METTL4: variants seen among roughly 807,000 people sequenced by gnomAD.
METTL4 encodes methyltransferase 4, N6-adenosine.
A neutral mutation model predicts 54.0 loss-of-function variants in METTL4; 40 were observed. The ratio of observed to expected loss-of-function variants is 0.74; its 90% CI spans 0.58 to 0.96. The LOEUF is 0.96. Among genes scored for constraint, METTL4 ranks in the 50% least tolerant of loss-of-function variants. The pLI, the probability that METTL4 is intolerant of heterozygous loss-of-function variation, is 0.00. For missense variants in METTL4, 525 were observed against 549.0 expected, an observed-to-expected ratio of 0.96 and a Z score of 0.44; for synonymous variants, 169 against 183.8, an observed-to-expected ratio of 0.92 and a Z score of 0.65.
At chr18:2,544,789 TA>T (rs756964791) in intron 6 of METTL4, 30 bp from the exon 7 acceptor site, 2 of 1,465,880 alleles carry the variant, frequency 1.4e-6, no homozygotes, top group African/African-American at 1.4e-5. Flanking sequence ...AAAAGAGGGT[TA>T]TTTTTTCCCA....
chr18:2,567,115 G>A lies in METTL4; in HGVS notation c.102C>T (p.Cys34=). The A allele has an allele frequency of 6.2e-7, 1 of 1,614,088 alleles. No homozygotes were observed. The highest frequency in any genetic ancestry group is 8.5e-7 in the Non-Finnish European group (1 of 1,179,986). ...CAGAAGTAGTGAACTCCTTTTTACG[G>A]CAACAAGGTTCATGATGCTGGTGAA... The part of the protein sequence containing the change: ...YQLHQHHEPC[C]RKKEFTTSVH... Residue 34 remains cysteine, a synonymous_variant, in exon 2 of 9, where the codon TGC becomes TGT. Coordinates refer to ENST00000574538, the MANE Select transcript of METTL4 (RefSeq NM_022840.5).
chr18:2,559,990 G>A (rs1308676044), intron 3 of METTL4, among the ~76,000 whole-genome samples: 3 of 151,964 alleles, frequency 2.0e-5, no homozygotes, highest in Non-Finnish European at 2.9e-5. Context: ...TGCCCACCTC[G>A]GCCTCCCCAT....
chr18:2,544,482 T>C (rs2072040745), intron 7 of METTL4, among the ~76,000 whole-genome samples, 171 bp downstream of exon 7: 1 of 151,866 alleles, frequency 6.6e-6, no homozygotes, highest in Non-Finnish European at 1.5e-5. Context: ...AATTACACAC[T>C]AGATAAAACA....
intron 2 of METTL4, among the ~76,000 whole-genome samples, chr18:2,566,065 AT>A (rs1229040854): frequency 0.039 from 5,756 of 147,900 alleles, 279 homozygotes; most frequent in Middle Eastern, 0.067. Flanking sequence ...AAATAAATAA[AT>A]AAATAAATAA....
At chr18:2,539,851 TAAA>T in intron 8 of METTL4, 3 of 824,806 alleles carry the variant, frequency 3.6e-6, no homozygotes, top group Non-Finnish European at 4.3e-6. Context: ...ACAACCCATT[TAAA>T]AAAAAAAAAG....
Position 2,566,725 on chromosome 18 carries a change from T to G in METTL4, c.396+96A>C, listed in dbSNP as rs542378971. 1.9e-5 allele frequency: 20 copies of G among 1,045,280 alleles called. No individual in the cohort carries two copies. In the Middle Eastern group the frequency reaches 1.6e-3, roughly 84 times the overall value. The allele number at this position is 1,045,280 out of a possible 1,614,324, so 64.8% of individuals were successfully genotyped here. ...CTTTTTGGGTTTTACTGATTCTTCT[T>G]TATACTTAACGAATCACCAGATATT... On this transcript the variant is annotated intron_variant, in intron 2 of 8. Transcript: ENST00000574538.
In METTL4 at chr18:2,542,519, C is replaced by T. The variant is rs1444293289; in HGVS notation, c.1273+1676G>A. On this transcript the variant is annotated intron_variant, in intron 8 of 8. Coordinates refer to ENST00000574538, the MANE Select transcript of METTL4 (RefSeq NM_022840.5). ...CATTTCAGAATGAAAAGTTTATGGT[C>T]TTAGCTTTTGAATTTTTAAAAGAAA... Among the ~76,000 whole-genome samples the T allele has an allele frequency of 2.0e-5, 3 of 151,836 alleles. No individual in the cohort carries two copies. In the East Asian group the frequency reaches 5.8e-4, roughly 29 times the overall value.
At chr18:2,548,259 A>G (rs1251722287) in intron 5 of METTL4, among the ~76,000 whole-genome samples, 2 of 152,148 alleles carry the variant, frequency 1.3e-5, no homozygotes, top group Non-Finnish European at 2.9e-5. Flanking sequence ...TTGCTCTACA[A>G]TACTCAATCA....
rs778634356 is a variant in METTL4, at chr18:2,567,125, T to C, written c.92A>G (p.Glu31Gly). The C allele has an allele frequency of 6.2e-7, 1 of 1,614,010 alleles. No individual in the cohort carries two copies. ...KINYQLHQHH[E>G]PCCRKKEFTT... ...GAACTCCTTTTTACGGCAACAAGGT[T>C]CATGATGCTGGTGAAGTTGATAGTT... Residue 31 changes from glutamate (E) to glycine (G), a missense_variant, in exon 2 of 9, where the codon GAA becomes GGA. Physicochemically the swap from Glu to Gly is moderately conservative, Grantham distance 98. Transcript: ENST00000574538.
intron 3 of METTL4, among the ~76,000 whole-genome samples, chr18:2,558,721 C>G (rs2072273803): frequency 6.6e-6 from 1 of 151,726 alleles, no homozygotes; most frequent in East Asian, 1.9e-4. Context: ...ATTTGTAAAT[C>G]ATATATCTGA....
rs149093524 is a variant in METTL4 at position 2,547,422 on chromosome 18, C to T, written c.1007G>A (p.Arg336His). ...GGGATAAAGTTCTTCCTTTATAAAA[C>T]GTAGGTGCTTCTGTCTATTGGTCAC... ...TWVTNRQKHL[R>H]FIKEELYPSW... The change falls in exon 6 of 9, where the codon CGT becomes CAT. Residue 336 changes from arginine to histidine, a missense_variant. Physicochemically the swap from Arg to His is conservative, Grantham distance 29. Coordinates refer to ENST00000574538, the MANE Select transcript of METTL4 (RefSeq NM_022840.5). 30 of 1,611,708 alleles carry T rather than the reference C, an allele frequency of 1.9e-5. No individual in the cohort carries two copies. The African/African-American group carries it at 2.0e-4, about 11-fold the overall frequency.
At chr18:2,539,714 T>G (rs939492642) in intron 8 of METTL4, 2 of 437,240 alleles carry the variant, frequency 4.6e-6, no homozygotes, top group Non-Finnish European at 6.1e-6. Flanking sequence ...ACTCCTGACC[T>G]CAGGCAATCC....
chr18:2,564,219 T>C (rs905955201), intron 2 of METTL4, among the ~76,000 whole-genome samples: 36 of 148,508 alleles, frequency 2.4e-4, no homozygotes, highest in African/African-American at 6.2e-4. Context: ...CCGGCTAACA[T>C]GGTGAAACCC....
chr18:2,570,820 G>A (rs1215695898), intron 1 of METTL4, among the ~76,000 whole-genome samples: 2 of 152,174 alleles, frequency 1.3e-5, no homozygotes, highest in African/African-American at 4.8e-5. Flanking sequence ...CTGGAGCTGT[G>A]AGATCTTTCA....
intron 2 of METTL4, among the ~76,000 whole-genome samples, 160 bp from the exon 3 acceptor site, chr18:2,564,019 G>C (rs1197578862): frequency 6.6e-6 from 1 of 152,168 alleles, no homozygotes; most frequent in Non-Finnish European, 1.5e-5. Context: ...GGTATGGAGT[G>C]AGGAGGTAAG....
chr18:2,553,099 T>A (rs191713967), intron 4 of METTL4: 235 of 175,640 alleles, frequency 1.3e-3, no homozygotes, highest in African/African-American at 4.5e-3. Flanking sequence ...GAAATCTAGG[T>A]CTTTTTTTTA....
chr18:2,569,548 G>C (rs1458347421), intron 1 of METTL4, among the ~76,000 whole-genome samples: 2 of 149,158 alleles, frequency 1.3e-5, no homozygotes, highest in African/African-American at 2.5e-5. Context: ...TAGAGTAGAC[G>C]TGAAGATCAC....
chr18:2,563,709 G>GA (rs763609393), intron 3 of METTL4, 88 bp downstream of exon 3: 70 of 786,138 alleles, frequency 8.9e-5, no homozygotes, highest in Admixed American at 1.5e-4. Context: ...GCTTGATTTT[G>GA]AAAAAAAATC....
At position 2,544,740 on chromosome 18, in the gene METTL4, A is replaced by T. The variant is rs775358232; in HGVS notation, c.1094T>A (p.Phe365Tyr). 6.2e-7 allele frequency: 1 copy of T among 1,612,104 alleles called. No homozygotes were observed. Among genetic ancestry groups the T allele is most frequent in the Non-Finnish European group, 8.5e-7 (1 of 1,178,682 alleles). The change falls in exon 7 of 9, where the codon TTT becomes TAT. Residue 365 changes from phenylalanine (F) to tyrosine (Y), a missense_variant. Physicochemically the swap from Phe to Tyr is conservative, Grantham distance 22. Coordinates refer to ENST00000574538, the MANE Select transcript of METTL4 (RefSeq NM_022840.5). ...GTGTGGAGAATCTAATGGGAACACAAATTCTCCTGAATTGGTTATCTGATA... is the reference window on the plus strand; with the variant it reads ...GTGTGGAGAATCTAATGGGAACACATATTCTCCTGAATTGGTTATCTGATA... ...HWVKITNSGE[F>Y]VFPLDSPHKK...
Sources: allele counts gnomAD v4.1 joint callset (sites outside exome capture counted in the v4.1 genomes callset), GRCh38; gene constraint gnomAD v4.1.1; transcripts MANE v1.5; gene names NCBI Gene and HGNC (gene_info 2026-07-23, HGNC 2026-07-21).